TRERF1: variants seen among roughly 807,000 people sequenced by gnomAD.
TRERF1 encodes transcriptional regulating factor 1, also known as transcriptional-regulating factor 1.
TRERF1 carries 27 observed loss-of-function variants against 122.9 expected under a neutral mutation model. That is an observed-to-expected ratio of 0.22 (90% CI 0.16 to 0.30). The LOEUF (loss-of-function observed/expected upper bound fraction) is 0.30, where lower values mean the gene tolerates loss of function less well. TRERF1 is among the 10% of genes least tolerant of loss of function. The probability of loss-of-function intolerance (pLI) is 1.00; values close to 1 mark genes in which losing one functional copy is unlikely to be tolerated. For synonymous variants in TRERF1, 636 were observed against 641.7 expected (o/e 0.99, Z 0.13); for missense variants, 1,248 against 1,560.3 (o/e 0.80, Z 3.37).
intron 3 of TRERF1, among the ~76,000 whole-genome samples, chr6:42,307,697 A>AT (rs1352011184): frequency 2.6e-5 from 4 of 152,082 alleles, no homozygotes; most frequent in African/African-American, 9.7e-5. Context: ...ATGAAAAAAA[A>AT]AAAAAAAAGA....
intron 13 of TRERF1, among the ~76,000 whole-genome samples, chr6:42,254,244 A>G (rs368856799): frequency 1.1e-3 from 161 of 152,308 alleles, no homozygotes; most frequent in African/African-American, 3.7e-3. Context: ...AGAGCCTCTG[A>G]GCTGCACGAC....
intron 3 of TRERF1, among the ~76,000 whole-genome samples, chr6:42,334,986 C>A (rs1340045695): frequency 6.6e-6 from 1 of 152,192 alleles, no homozygotes; most frequent in Non-Finnish European, 1.5e-5. Context: ...ACATCCATAA[C>A]AACATGAATC....
At chr6:42,439,382 G>A (rs1185784676) in intron 2 of TRERF1, among the ~76,000 whole-genome samples, 2 of 152,126 alleles carry the variant, frequency 1.3e-5, no homozygotes, top group Non-Finnish European at 2.9e-5. Context: ...GCCCCAGGAT[G>A]GGTGCTGGGG....
At chr6:42,439,964 T>C (rs1043705099) in intron 2 of TRERF1, among the ~76,000 whole-genome samples, 1 of 152,216 alleles carries the variant, frequency 6.6e-6, no homozygotes, top group African/African-American at 2.4e-5. Context: ...CTCCTCTTAT[T>C]TGTCCTGGCA....
chr6:42,421,453 T>C (rs1166077509), intron 2 of TRERF1, among the ~76,000 whole-genome samples: 1 of 152,122 alleles, frequency 6.6e-6, no homozygotes, highest in African/African-American at 2.4e-5. Context: ...CTTTCCTCTT[T>C]CCTTTCTATT....
chr6:42,310,602 G>A (rs1377217350), intron 3 of TRERF1, among the ~76,000 whole-genome samples: 1 of 152,150 alleles, frequency 6.6e-6, no homozygotes, highest in Non-Finnish European at 1.5e-5. Flanking sequence ...AAACACCCTG[G>A]AAGGCATGGG....
At chr6:42,237,306 G>A (rs532812204) in intron 15 of TRERF1, among the ~76,000 whole-genome samples, 81 of 152,260 alleles carry the variant, frequency 5.3e-4, no homozygotes, top group South Asian at 2.1e-4. Flanking sequence ...TGGGATGGAA[G>A]GGCAACGATC....
intron 2 of TRERF1, among the ~76,000 whole-genome samples, chr6:42,408,602 T>A (rs192394573): frequency 2.4e-4 from 37 of 152,096 alleles, no homozygotes; most frequent in Admixed American, 1.9e-3. Context: ...GATCTCCAAC[T>A]CCTGACTTCA....
chr6:42,406,892 C>T (rs1231442935), intron 2 of TRERF1, among the ~76,000 whole-genome samples: 1 of 152,126 alleles, frequency 6.6e-6, no homozygotes, highest in African/African-American at 2.4e-5. Context: ...TGGCATGCAT[C>T]CAGGGGAAAC....
At chr6:42,258,350 T>A (rs1277717825) in intron 9 of TRERF1, 149 bp from the exon 10 acceptor site, 2 of 707,800 alleles carry the variant, frequency 2.8e-6, no homozygotes, top group Non-Finnish European at 4.8e-6. Context: ...TCCAGGGAGC[T>A]GGGTGGAGTA....
intron 4 of TRERF1, among the ~76,000 whole-genome samples, chr6:42,284,015 G>T (rs1782768769): frequency 6.6e-6 from 1 of 152,110 alleles, no homozygotes; most frequent in African/African-American, 2.4e-5. Context: ...TTGAGGCAGG[G>T]TCCAGAACTT....
chr6:42,230,294 T>C (rs985316645), intron 17 of TRERF1, among the ~76,000 whole-genome samples: 3 of 152,166 alleles, frequency 2.0e-5, no homozygotes, highest in African/African-American at 7.2e-5. Context: ...CAGAAACCAT[T>C]TGTATTTTCC....
chr6:42,349,558 G>C (rs1769000520), intron 3 of TRERF1, among the ~76,000 whole-genome samples: 1 of 152,066 alleles, frequency 6.6e-6, no homozygotes, highest in Admixed American at 6.5e-5. Flanking sequence ...CTGGTGTCCT[G>C]AAGGAGGTGA....
At chr6:42,250,992 CTTT>C (rs70987586) in intron 13 of TRERF1, among the ~76,000 whole-genome samples, 5 of 97,590 alleles carry the variant, frequency 5.1e-5, no homozygotes, top group East Asian at 3.0e-4. Flanking sequence ...TCTTTTGCTT[CTTT>C]TTTTTTTTTT....
At position 42,269,245 on chromosome 6, in the gene TRERF1, G is replaced by C; in HGVS notation, c.346C>G (p.Pro116Ala). 2 of 1,614,214 alleles carry C rather than the reference G, an allele frequency of 1.2e-6. No individual in the cohort carries two copies. Among genetic ancestry groups the C allele is most frequent in the Non-Finnish European group, 1.7e-6 (2 of 1,180,028 alleles). Reference sequence around the variant, plus strand: ...TAGGTGTATTGGTAGCCATCAGTGGGCTCAGCCTGGGCTGGTGCCCCCCAC... The same window carrying C: ...TAGGTGTATTGGTAGCCATCAGTGGCCTCAGCCTGGGCTGGTGCCCCCCAC... The change falls in exon 5 of 18, where the codon CCC becomes GCC. Residue 116 changes from proline (P) to alanine (A), a missense_variant. Transcript: ENST00000372922. The surrounding 1 kb of genome is among the most constrained non-coding windows in gnomAD (Gnocchi z 4.9).
At chr6:42,292,149 C>T (rs1245700815) in intron 4 of TRERF1, among the ~76,000 whole-genome samples, 8 of 152,182 alleles carry the variant, frequency 5.3e-5, no homozygotes, top group Non-Finnish European at 2.9e-5. Flanking sequence ...CTCGAGCAGT[C>T]TCATTGCCTG....
At chr6:42,284,001 T>A (rs1226879421) in intron 4 of TRERF1, among the ~76,000 whole-genome samples, 1 of 152,152 alleles carries the variant, frequency 6.6e-6, no homozygotes, top group Non-Finnish European at 1.5e-5. Context: ...ATCTTACTGG[T>A]CTTTTGAGGC....
At chr6:42,439,574 A>G (rs1786105109) in intron 2 of TRERF1, among the ~76,000 whole-genome samples, 1 of 152,190 alleles carries the variant, frequency 6.6e-6, no homozygotes, top group South Asian at 2.1e-4. Flanking sequence ...ACAGAGCAAG[A>G]CTCTGTCTCA....
intron 8 of TRERF1, among the ~76,000 whole-genome samples, chr6:42,261,951 T>G (rs1777953087): frequency 6.6e-6 from 1 of 152,048 alleles, no homozygotes; most frequent in Non-Finnish European, 1.5e-5. Flanking sequence ...ATTTCTTGTC[T>G]GCCCCTGTCT....
Sources: gnomAD v4.1 joint callset for allele counts (sites outside exome capture counted in the v4.1 genomes callset) on GRCh38, gnomAD v4.1.1 for gene constraint, Gnocchi (gnomAD v3.1) non-coding constraint, MANE v1.5 for transcripts, NCBI Gene and HGNC (gene_info 2026-07-23, HGNC 2026-07-21) for gene names.